Variants in STX7 observed in about 807,000 individuals in gnomAD.
STX7 encodes syntaxin 7.
A neutral mutation model predicts 39.6 loss-of-function variants in STX7; 34 were observed. That is an observed-to-expected ratio of 0.86 (90% CI 0.65 to 1.14). The LOEUF is 1.14. Ranked by LOEUF, STX7 falls within the 50% of genes most tolerant of loss-of-function variation. The pLI is 0.00. For synonymous variants in STX7, 119 were observed against 99.1 expected (o/e 1.20, Z -1.19); for missense variants, 284 against 310.4 (o/e 0.92, Z 0.64).
intron 2 of STX7, among the ~76,000 whole-genome samples, chr6:132,501,937 G>A (rs1775571619): frequency 6.6e-6 from 1 of 151,836 alleles, no homozygotes; most frequent in African/African-American, 2.4e-5. Flanking sequence ...CAGATCTGAT[G>A]CCAGAGGAGC....
intron 2 of STX7, among the ~76,000 whole-genome samples, chr6:132,477,769 G>A (rs571360287): frequency 6.6e-6 from 1 of 152,190 alleles, no homozygotes; most frequent in South Asian, 2.1e-4. Context: ...GTAAGTGTGT[G>A]TTCATATACA....
rs557338126 is a variant in STX7, at chr6:132,446,321, C to T, written c.*14437G>A. On this transcript the variant is annotated 3_prime_UTR_variant, in exon 10 of 10. Coordinates refer to ENST00000367941, the MANE Select transcript of STX7 (RefSeq NM_003569.3). ...CACAGAGTCACTTGTGTTTCTGAAGCCTCTCTGCATCAAGATGATTGGGGT... is the reference window on the plus strand; with the variant it reads ...CACAGAGTCACTTGTGTTTCTGAAGTCTCTCTGCATCAAGATGATTGGGGT... 3.3e-5 allele frequency: 5 copies of T among 152,250 alleles called. No individual in the cohort carries two copies. The East Asian group carries it at 9.6e-4, about 29-fold the overall frequency. 9.4% of individuals were successfully genotyped at this position (152,250 alleles called of 1,614,324 possible).
chr6:132,468,228 G>C (rs1038855140), intron 8 of STX7, among the ~76,000 whole-genome samples, 175 bp downstream of exon 8: 1 of 152,166 alleles, frequency 6.6e-6, no homozygotes, highest in Admixed American at 6.5e-5. Context: ...TTAAAAATGA[G>C]ATCTGTTTTA....
At chr6:132,501,793 A>G (rs990741394) in intron 2 of STX7, among the ~76,000 whole-genome samples, 1 of 152,120 alleles carries the variant, frequency 6.6e-6, no homozygotes, top group Admixed American at 6.5e-5. Context: ...AATTAGAATT[A>G]TAAACTTCCT....
intron 2 of STX7, among the ~76,000 whole-genome samples, chr6:132,485,294 G>A (rs80333539): frequency 0.023 from 3,552 of 152,086 alleles, 125 homozygotes; most frequent in African/African-American, 0.08. Context: ...GTATTTATTC[G>A]TTTTTGAAAA....
intron 2 of STX7, among the ~76,000 whole-genome samples, chr6:132,482,422 T>C (rs1172235183): frequency 6.6e-6 from 1 of 152,182 alleles, no homozygotes; most frequent in Non-Finnish European, 1.5e-5. Context: ...GAAAAAATAT[T>C]ATACGGTATT....
At position 132,470,623 on chromosome 6, in the gene STX7, T is replaced by C; in HGVS notation, c.391A>G (p.Ser131Gly). 6.2e-7 allele frequency: 1 copy of C among 1,608,904 alleles called. No homozygotes were observed. Among genetic ancestry groups the C allele is most frequent in the African/African-American group, 1.3e-5 (1 of 74,910 alleles). ...RVRASSRVSG[S>G]FPEDSSKERN... Reference sequence around the variant, plus strand: ...TCTTTTGAGCTGTCCTCAGGAAAACTGCCCTGAATAATTTAGTAACAGGAT... The same window carrying C: ...TCTTTTGAGCTGTCCTCAGGAAAACCGCCCTGAATAATTTAGTAACAGGAT... The change falls in exon 6 of 10, where the codon AGT (serine) becomes GGT (glycine). Residue 131 changes from serine (S) to glycine (G), a missense_variant. By Grantham distance (56) the Ser-to-Gly change is moderately conservative. Coordinates refer to ENST00000367941, the MANE Select transcript of STX7 (RefSeq NM_003569.3).
At chr6:132,510,874 T>C (rs1178997662) in intron 1 of STX7, among the ~76,000 whole-genome samples, 1 of 152,224 alleles carries the variant, frequency 6.6e-6, no homozygotes, top group Admixed American at 6.5e-5. Flanking sequence ...AAATTTAATC[T>C]TGAAGTGTCA....
chr6:132,461,617 C>T (rs909522004), intron 9 of STX7: 1 of 512,450 alleles, frequency 2.0e-6, no homozygotes, highest in Non-Finnish European at 3.4e-6. Flanking sequence ...GCCCCTCACA[C>T]ATATTTCTTG....
chr6:132,470,458 C>A (rs1285731021), intron 6 of STX7, 116 bp downstream of exon 6: 2 of 652,564 alleles, frequency 3.1e-6, no homozygotes, highest in Admixed American at 7.0e-5. Flanking sequence ...AACATATAAA[C>A]AACTTAGGAT....
rs1774081755 is a variant in STX7, at chr6:132,448,939, G to C, written c.*11819C>G. ...AAGATATCTTTGCCTTTATTGTTCT[G>C]AAGTTTGAGTATAATGAATATACAT... On this transcript the variant is annotated 3_prime_UTR_variant, in exon 10 of 10. Coordinates refer to ENST00000367941, the MANE Select transcript of STX7 (RefSeq NM_003569.3). 6.7e-6 allele frequency: 1 copy of C among 150,292 alleles called. No homozygotes were observed. The highest frequency in any genetic ancestry group is 2.1e-4 in the South Asian group (1 of 4,780). The allele number at this position is 150,292 out of a possible 1,614,324, so 9.3% of individuals were successfully genotyped here.
At position 132,485,611 on chromosome 6, in the gene STX7, C is replaced by T. The variant is rs111692624; in HGVS notation, c.86-9949G>A. The stretch of plus-strand genomic sequence containing the variant: ...AGTCAAACTATTTTACAAAGTGATG[C>T]CACTTTACACTTCCACCTGCAGTGT... On this transcript the variant is annotated intron_variant, in intron 2 of 9. Coordinates refer to ENST00000367941, the MANE Select transcript of STX7 (RefSeq NM_003569.3). Among the ~76,000 whole-genome samples the T allele has an allele frequency of 7.2e-3, 1,096 of 152,272 alleles. 8 individuals are homozygous for T. The highest frequency in any genetic ancestry group is 0.024 in the African/African-American group (1,004 of 41,542).
chr6:132,468,291 C>T, intron 8 of STX7, 112 bp downstream of exon 8: 2 of 803,288 alleles, frequency 2.5e-6, no homozygotes, highest in Non-Finnish European at 4.2e-6. Context: ...CTTTTGGTTC[C>T]AGGGAAACCA....
chr6:132,486,540 T>C (rs956034677), intron 2 of STX7, among the ~76,000 whole-genome samples: 16 of 152,212 alleles, frequency 1.1e-4, no homozygotes, highest in African/African-American at 3.6e-4. Context: ...CAACCCTGAA[T>C]TCCTGGGATA....
At chr6:132,471,742 T>A in intron 4 of STX7, 142 bp from the exon 5 acceptor site, 1 of 907,688 alleles carries the variant, frequency 1.1e-6, no homozygotes, top group Non-Finnish European at 1.6e-6. Flanking sequence ...TCAGTAACAT[T>A]CTGATAGTAT....
intron 1 of STX7, among the ~76,000 whole-genome samples, chr6:132,505,033 A>C (rs1413461308): frequency 6.6e-6 from 1 of 152,246 alleles, no homozygotes; most frequent in African/African-American, 2.4e-5. Context: ...ACATAAAGGG[A>C]AAGAGAGGAA....
chr6:132,455,562 C>G lies in STX7; in HGVS notation c.*5196G>C, dbSNP rs1448586592. On this transcript the variant is annotated 3_prime_UTR_variant, in exon 10 of 10. Transcript: ENST00000367941. Reference sequence around the variant, plus strand: ...CGACTGGACAGGAAATCTGGTTTTGCCTTCCACCACTTACATTTTAAGCAT... The same window carrying G: ...CGACTGGACAGGAAATCTGGTTTTGGCTTCCACCACTTACATTTTAAGCAT... 2 of 152,148 alleles carry G rather than the reference C, an allele frequency of 1.3e-5. No individual in the cohort carries two copies. Among genetic ancestry groups the G allele is most frequent in the Non-Finnish European group, 2.9e-5 (2 of 68,028 alleles). The allele number at this position is 152,148 out of a possible 1,614,324, so 9.4% of individuals were successfully genotyped here.
chr6:132,483,316 T>G (rs1775055053), intron 2 of STX7, among the ~76,000 whole-genome samples: 1 of 152,238 alleles, frequency 6.6e-6, no homozygotes. Context: ...TAAATTGTTA[T>G]AGTGTACTGT....
intron 2 of STX7, among the ~76,000 whole-genome samples, chr6:132,480,419 G>A (rs953859304): frequency 6.6e-6 from 1 of 152,168 alleles, no homozygotes; most frequent in East Asian, 1.9e-4. Flanking sequence ...ACAGGTCGAA[G>A]TAAAGTCCAA....
Sources: allele counts gnomAD v4.1 joint callset (sites outside exome capture counted in the v4.1 genomes callset), GRCh38; gene constraint gnomAD v4.1.1; transcripts MANE v1.5; gene names NCBI Gene and HGNC (gene_info 2026-07-23, HGNC 2026-07-21).